NALF1: variants seen among roughly 807,000 people sequenced by gnomAD.
The protein encoded by NALF1 is family with sequence similarity 155 member A.
NALF1 carries 3 observed loss-of-function variants against 48.4 expected under a neutral mutation model. That is an observed-to-expected ratio of 0.06 (90% confidence interval 0.03 to 0.16). The LOEUF is 0.16. Ranked by LOEUF, NALF1 falls within the 10% of genes least tolerant of loss-of-function variation. The probability of loss-of-function intolerance (pLI) is 1.00; values close to 1 mark genes in which losing one functional copy is unlikely to be tolerated. For missense variants in NALF1, 526 were observed against 571.5 expected (o/e 0.92, Z 0.81); for synonymous variants, 262 against 245.7 (o/e 1.07, Z -0.62).
At chr13:107,806,144 C>T (rs1878780534) in intron 1 of NALF1, among the ~76,000 whole-genome samples, 1 of 152,124 alleles carries the variant, frequency 6.6e-6, no homozygotes, top group Non-Finnish European at 1.5e-5. Context: ...TGGGAAGGCA[C>T]ATGCGTTTTA....
intron 1 of NALF1, among the ~76,000 whole-genome samples, chr13:107,716,765 A>G (rs1451168605): frequency 6.6e-6 from 1 of 152,150 alleles, no homozygotes; most frequent in Non-Finnish European, 1.5e-5. Flanking sequence ...AGTGTCATAA[A>G]TGTTGAATTT....
intron 1 of NALF1, among the ~76,000 whole-genome samples, chr13:107,336,981 T>C (rs1410054015): frequency 1.3e-5 from 2 of 149,896 alleles, no homozygotes; most frequent in Non-Finnish European, 2.9e-5. Context: ...GAAACCCGCA[T>C]TGTTCTTCTT....
At position 107,720,510 on chromosome 13, in the gene NALF1, CAAAAA is replaced by C. The variant is rs56380251; in HGVS notation, c.915+145167_915+145171del. Reference sequence around the variant, plus strand: ...TGGGCAACAGAGTGAGACTGCATCTCAAAAAAAAAAAAAAAAAAAAAAAGCATATT... The same window carrying C: ...TGGGCAACAGAGTGAGACTGCATCTCAAAAAAAAAAAAAAAAAAGCATATT... On this transcript the variant is annotated intron_variant, in intron 1 of 2. Coordinates refer to ENST00000375915, the MANE Select transcript of NALF1 (RefSeq NM_001080396.3). Among the ~76,000 whole-genome samples, 8 of 59,856 alleles carry C rather than the reference CAAAAA, an allele frequency of 1.3e-4. 1 individual carries two copies. Among genetic ancestry groups the C allele is most frequent in the African/African-American group, 1.6e-4 (2 of 12,496 alleles). 39.3% of individuals were successfully genotyped at this position (59,856 alleles called of 152,430 possible).
intron 1 of NALF1, among the ~76,000 whole-genome samples, chr13:107,409,801 G>A (rs549091202): frequency 1.2e-4 from 19 of 152,228 alleles, no homozygotes; most frequent in African/African-American, 3.6e-4. Context: ...TGATAATCTC[G>A]ATTAGTCTGA....
At chr13:107,789,580 T>C (rs1325644077) in intron 1 of NALF1, among the ~76,000 whole-genome samples, 2 of 152,194 alleles carry the variant, frequency 1.3e-5, no homozygotes, top group Non-Finnish European at 2.9e-5. Flanking sequence ...TAGTAAGCAA[T>C]GGCTACACCC....
chr13:107,216,161 C>A (rs926552407), intron 1 of NALF1, among the ~76,000 whole-genome samples: 3 of 152,176 alleles, frequency 2.0e-5, no homozygotes, highest in African/African-American at 7.2e-5. Flanking sequence ...AGCTCTAACC[C>A]CGCTAGCGGC....
intron 1 of NALF1, among the ~76,000 whole-genome samples, chr13:107,219,550 TAGG>T (rs1431620058): frequency 2.6e-5 from 4 of 152,170 alleles, no homozygotes; most frequent in Non-Finnish European, 5.9e-5. Context: ...TCACCAAGGA[TAGG>T]AGAAGAGAGA....
chr13:107,286,759 A>C (rs1442337711), intron 1 of NALF1, among the ~76,000 whole-genome samples: 2 of 152,202 alleles, frequency 1.3e-5, no homozygotes, highest in Non-Finnish European at 2.9e-5. Context: ...AACATGACTG[A>C]ACCTTGAAAA....
At chr13:107,297,234 T>A (rs1044152353) in intron 1 of NALF1, among the ~76,000 whole-genome samples, 4 of 152,176 alleles carry the variant, frequency 2.6e-5, no homozygotes, top group Admixed American at 2.6e-4. Context: ...AAGGATAGTG[T>A]CTTTTTCATT....
chr13:107,763,559 A>G (rs563736617), intron 1 of NALF1, among the ~76,000 whole-genome samples: 2 of 152,222 alleles, frequency 1.3e-5, no homozygotes, highest in East Asian at 3.9e-4. Flanking sequence ...ATGCCCTTCA[A>G]AAATTTTTCT....
At chr13:107,289,308 C>G (rs779176363) in intron 1 of NALF1, among the ~76,000 whole-genome samples, 1 of 152,182 alleles carries the variant, frequency 6.6e-6, no homozygotes. Flanking sequence ...TATTTACCCA[C>G]TAAAATATAT....
intron 1 of NALF1, among the ~76,000 whole-genome samples, chr13:107,830,713 C>T (rs1324591660): frequency 6.6e-6 from 1 of 152,132 alleles, no homozygotes; most frequent in Admixed American, 6.5e-5. Context: ...TGTGATCTCA[C>T]CCCTTCCCAT....
At chr13:107,547,148 A>C (rs1481471330) in intron 1 of NALF1, among the ~76,000 whole-genome samples, 1 of 152,232 alleles carries the variant, frequency 6.6e-6, no homozygotes, top group Admixed American at 6.5e-5. Flanking sequence ...ATATAAACAG[A>C]AAGTACAAAT....
intron 1 of NALF1, among the ~76,000 whole-genome samples, chr13:107,584,963 CTA>C (rs1482843538): frequency 1.3e-5 from 2 of 152,254 alleles, no homozygotes; most frequent in Non-Finnish European, 2.9e-5. Flanking sequence ...CTATTACATG[CTA>C]TAAATGCTGC....
intron 1 of NALF1, among the ~76,000 whole-genome samples, chr13:107,352,647 A>G (rs977353968): frequency 6.6e-6 from 1 of 152,196 alleles, no homozygotes; most frequent in East Asian, 1.9e-4. Context: ...CTTTACCCTC[A>G]TGACCTAATC....
In NALF1 at chr13:107,437,100, C is replaced by T. The variant is rs550558618; in HGVS notation, c.916-226345G>A. Among the ~76,000 whole-genome samples the T allele has an allele frequency of 5.9e-5, 9 of 152,130 alleles. No homozygotes were observed. The East Asian group carries it at 1.7e-3, about 29-fold the overall frequency. On this transcript the variant is annotated intron_variant, in intron 1 of 2. Transcript: ENST00000375915. ...GCCTAAGATTCAAGCAGACACCTCA[C>T]TAAAGAAGAGATGTACAAGAAAGCA...
chr13:107,757,418 T>TTC (rs1555323748), intron 1 of NALF1, among the ~76,000 whole-genome samples: 2 of 134,398 alleles, frequency 1.5e-5, no homozygotes, highest in Admixed American at 7.2e-5. Flanking sequence ...CTCATTTCTT[T>TTC]TTTTTTTTTT....
chr13:107,511,520 A>G (rs1385566527), intron 1 of NALF1, among the ~76,000 whole-genome samples: 1 of 152,204 alleles, frequency 6.6e-6, no homozygotes. Context: ...TACCAACAAG[A>G]TGATAATATT....
intron 1 of NALF1, among the ~76,000 whole-genome samples, chr13:107,237,846 T>C (rs1045831690): frequency 1.3e-5 from 2 of 152,160 alleles, no homozygotes; most frequent in Admixed American, 1.3e-4. Flanking sequence ...GTGAGTCAAT[T>C]GGACACATTG....
Sources: gnomAD v4.1 joint callset for allele counts (sites outside exome capture counted in the v4.1 genomes callset) on GRCh38, gnomAD v4.1.1 for gene constraint, MANE v1.5 for transcripts, NCBI Gene and HGNC (gene_info 2026-07-23, HGNC 2026-07-21) for gene names.